Variants in SLC24A2 observed in about 807,000 individuals in gnomAD.
SLC24A2 encodes solute carrier family 24 member 2, also known as sodium/potassium/calcium exchanger 2.
In SLC24A2, 36 loss-of-function variants were observed where a neutral mutation model predicts 62.0. The ratio of observed to expected loss-of-function variants is 0.58; its 90% CI spans 0.44 to 0.77. The LOEUF (loss-of-function observed/expected upper bound fraction) is 0.77. Among genes scored for constraint, SLC24A2 ranks in the 30% least tolerant of loss-of-function variants. The probability of loss-of-function intolerance (pLI) is 0.00; values close to 1 mark genes in which losing one functional copy is unlikely to be tolerated. For synonymous variants in SLC24A2, 358 were observed against 294.0 expected (o/e 1.22, Z -2.23); for missense variants, 846 against 817.9 (o/e 1.03, Z -0.42).
At chr9:19,544,597 C>T (rs1834455305) in intron 8 of SLC24A2, among the ~76,000 whole-genome samples, 1 of 152,114 alleles carries the variant, frequency 6.6e-6, no homozygotes, top group Non-Finnish European at 1.5e-5. Flanking sequence ...TTAGTGTTTC[C>T]TTCAGGAGCT....
chr9:20,291,031 T>A, the SLC24A2 span, among the ~76,000 whole-genome samples: 1 of 152,214 alleles, frequency 6.6e-6, no homozygotes, highest in Admixed American at 6.5e-5. Flanking sequence ...CCACTCACCC[T>A]CTTGACCAGG....
chr9:20,158,616 T>C, the SLC24A2 span, among the ~76,000 whole-genome samples: 9 of 151,630 alleles, frequency 5.9e-5, no homozygotes, highest in Non-Finnish European at 1.3e-4. Context: ...GTCGATGGCA[T>C]TTTATATTAG....
chr9:20,192,256 G>T, the SLC24A2 span, among the ~76,000 whole-genome samples: 1 of 152,128 alleles, frequency 6.6e-6, no homozygotes, highest in Admixed American at 6.6e-5. Flanking sequence ...CAGAGATTGG[G>T]ATGAAGTGGG....
chr9:20,053,877 G>A, the SLC24A2 span, among the ~76,000 whole-genome samples: 6 of 152,274 alleles, frequency 3.9e-5, no homozygotes, highest in South Asian at 2.1e-4. Context: ...ACACTCCTGC[G>A]TTTTCTACAG....
At chr9:20,101,053 C>A in the SLC24A2 span, among the ~76,000 whole-genome samples, 37 of 152,374 alleles carry the variant, frequency 2.4e-4, no homozygotes, top group South Asian at 7.0e-3. Context: ...TTCACCCCCA[C>A]ATCTTTCTGG....
the SLC24A2 span, among the ~76,000 whole-genome samples, chr9:19,971,841 TTGA>T: frequency 6.6e-6 from 1 of 152,294 alleles, no homozygotes; most frequent in African/African-American, 2.4e-5. Flanking sequence ...TACTCAGCCC[TTGA>T]TGTATGTCAA....
the SLC24A2 span, among the ~76,000 whole-genome samples, chr9:20,197,703 A>T: frequency 6.6e-6 from 1 of 152,078 alleles, no homozygotes; most frequent in African/African-American, 2.4e-5. Flanking sequence ...AAGTTCTGGG[A>T]TTACAGGCAT....
At chr9:20,263,092 G>C in the SLC24A2 span, among the ~76,000 whole-genome samples, 1 of 152,114 alleles carries the variant, frequency 6.6e-6, no homozygotes, top group Non-Finnish European at 1.5e-5. Context: ...GCTATCACTG[G>C]GTGTTTCTTG....
chr9:19,706,442 C>T (rs974923618), intron 2 of SLC24A2, among the ~76,000 whole-genome samples: 3 of 149,576 alleles, frequency 2.0e-5, no homozygotes, highest in East Asian at 2.0e-4. Context: ...TGCAGTGGCG[C>T]GATCTCGACT....
intron 5 of SLC24A2, among the ~76,000 whole-genome samples, chr9:19,590,809 T>TTAAG (rs1272094126): frequency 6.6e-6 from 1 of 152,182 alleles, no homozygotes; most frequent in East Asian, 1.9e-4. Flanking sequence ...CAATTTGATA[T>TTAAG]TAAGTTTTTG....
At chr9:19,965,108 G>C in the SLC24A2 span, among the ~76,000 whole-genome samples, 1 of 152,120 alleles carries the variant, frequency 6.6e-6, no homozygotes, top group African/African-American at 2.4e-5. Context: ...GAGAAAGAGC[G>C]TTGGAGGCAG....
chr9:19,873,438 CCTTTCTTTCTCTTT>C, the SLC24A2 span, among the ~76,000 whole-genome samples: 1 of 141,000 alleles, frequency 7.1e-6, no homozygotes, highest in South Asian at 2.3e-4. Context: ...CTCTCTCCTT[CCTTTCTTTCTCTTT>C]CTTTCTTTCT....
the SLC24A2 span, among the ~76,000 whole-genome samples, chr9:19,798,598 CCACACACA>C: frequency 1.4e-5 from 2 of 146,448 alleles, no homozygotes; most frequent in Non-Finnish European, 3.0e-5. Context: ...ATCCTTTATA[CCACACACA>C]CACACACACA....
At chr9:20,272,985 G>A in the SLC24A2 span, among the ~76,000 whole-genome samples, 1 of 152,186 alleles carries the variant, frequency 6.6e-6, no homozygotes, top group African/African-American at 2.4e-5. Flanking sequence ...GCCAAGCCAA[G>A]CCTAGGTCAC....
the SLC24A2 span, among the ~76,000 whole-genome samples, chr9:20,150,740 A>G: frequency 6.6e-6 from 1 of 151,914 alleles, no homozygotes; most frequent in Non-Finnish European, 1.5e-5. Context: ...GCATATTCAT[A>G]TAATGAAAAA....
At chr9:20,247,328 C>G in the SLC24A2 span, among the ~76,000 whole-genome samples, 1 of 152,048 alleles carries the variant, frequency 6.6e-6, no homozygotes, top group Non-Finnish European at 1.5e-5. Flanking sequence ...CAAGCACATA[C>G]GGTCCAGCCT....
the SLC24A2 span, among the ~76,000 whole-genome samples, chr9:20,146,456 C>A: frequency 2.0e-5 from 3 of 152,132 alleles, no homozygotes; most frequent in East Asian, 5.8e-4. Context: ...ATTCCTGTAA[C>A]TTATTCTGAT....
At chr9:19,838,398 C>T in the SLC24A2 span, among the ~76,000 whole-genome samples, 4 of 152,006 alleles carry the variant, frequency 2.6e-5, no homozygotes, top group East Asian at 5.8e-4. Context: ...CCCTTCCTTA[C>T]ACCTTATACA....
chr9:19,671,530 T>A (rs1242834745), intron 2 of SLC24A2, among the ~76,000 whole-genome samples: 1 of 152,142 alleles, frequency 6.6e-6, no homozygotes, highest in Non-Finnish European at 1.5e-5. Flanking sequence ...TCTTTACCAA[T>A]TTGGATGCCC....
Sources: gnomAD v4.1 joint callset for allele counts (sites outside exome capture counted in the v4.1 genomes callset) on GRCh38, gnomAD v4.1.1 for gene constraint, MANE v1.5 for transcripts, NCBI Gene and HGNC (gene_info 2026-07-23, HGNC 2026-07-21) for gene names.